KCNMA1: variants seen among roughly 807,000 people sequenced by gnomAD.
KCNMA1 encodes Calcium-activated potassium channel subunit alpha-1.
In KCNMA1, 29 loss-of-function variants were observed where a neutral mutation model predicts 140.0. The ratio of observed to expected loss-of-function variants is 0.21; its 90% CI spans 0.15 to 0.28. The LOEUF (loss-of-function observed/expected upper bound fraction) is 0.28. Among genes scored for constraint, KCNMA1 ranks in the 10% least tolerant of loss-of-function variants. KCNMA1 has a pLI of 1.00. For synonymous variants in KCNMA1, 612 were observed against 611.9 expected (o/e 1.00, Z 0.00); for missense variants, 880 against 1,602.2 (o/e 0.55, Z 7.70).
At chr10:77,035,620 G>A (rs2094272808) in intron 15 of KCNMA1, among the ~76,000 whole-genome samples, 1 of 152,194 alleles carries the variant, frequency 6.6e-6, no homozygotes, top group Non-Finnish European at 1.5e-5. Flanking sequence ...GCACAATGGT[G>A]CACATATCCC....
intron 2 of KCNMA1, chr10:77,350,873 C>T (rs2092791221): frequency 6.6e-6 from 1 of 152,168 alleles, no homozygotes; most frequent in Admixed American, 6.5e-5. Context: ...GGATTGCTCA[C>T]CGGTGACTCA....
chr10:76,904,513 T>C (rs1368025922), intron 25 of KCNMA1: 2 of 152,172 alleles, frequency 1.3e-5, no homozygotes, highest in African/African-American at 4.8e-5. Flanking sequence ...TGTTATAATA[T>C]GCTTTTTCTT....
intron 25 of KCNMA1, among the ~76,000 whole-genome samples, chr10:76,900,675 C>T (rs2152124091): frequency 6.6e-6 from 1 of 152,040 alleles, no homozygotes; most frequent in African/African-American, 2.4e-5. Context: ...ACTGAATTCA[C>T]TATATAAAAT....
intron 3 of KCNMA1, among the ~76,000 whole-genome samples, chr10:77,203,385 A>G (rs1442269087): frequency 6.6e-6 from 1 of 152,078 alleles, no homozygotes; most frequent in African/African-American, 2.4e-5. Flanking sequence ...GCTCTTACTC[A>G]TCCACCTTTG....
intron 3 of KCNMA1, among the ~76,000 whole-genome samples, chr10:77,193,702 G>C (rs989188351): frequency 2.0e-5 from 3 of 152,066 alleles, no homozygotes; most frequent in Non-Finnish European, 4.4e-5. Context: ...ACAAATATAT[G>C]CTCTCCATCC....
intron 1 of KCNMA1, among the ~76,000 whole-genome samples, chr10:77,462,383 G>T (rs190493399): frequency 2.0e-5 from 3 of 151,470 alleles, no homozygotes; most frequent in African/African-American, 7.3e-5. Flanking sequence ...ACACTTAGAC[G>T]TAAAAACACA....
chr10:77,408,528 CTG>C (rs888483983), intron 1 of KCNMA1, among the ~76,000 whole-genome samples: 15 of 151,902 alleles, frequency 9.9e-5, no homozygotes, highest in Non-Finnish European at 1.5e-4. Flanking sequence ...GTGTGTGCAT[CTG>C]TGTGTGTGCT....
intron 1 of KCNMA1, among the ~76,000 whole-genome samples, chr10:77,607,625 G>A (rs755113221): frequency 2.0e-5 from 3 of 152,134 alleles, no homozygotes; most frequent in Non-Finnish European, 4.4e-5. Flanking sequence ...GGAGCAATGT[G>A]CTTTGGATAC....
intron 1 of KCNMA1, among the ~76,000 whole-genome samples, chr10:77,450,667 G>A (rs569135066): frequency 1.3e-5 from 2 of 152,182 alleles, no homozygotes; most frequent in Admixed American, 6.5e-5. Flanking sequence ...AAGAGTTTGG[G>A]TTTCACCACC....
At chr10:77,282,749 C>T (rs1257084393) in intron 2 of KCNMA1, among the ~76,000 whole-genome samples, 1 of 114,678 alleles carries the variant, frequency 8.7e-6, no homozygotes, top group African/African-American at 2.8e-5. Flanking sequence ...GGTGGCTGGG[C>T]GGGTGGTGTG....
downstream of KCNMA1, among the ~76,000 whole-genome samples, chr10:76,881,087 C>T (rs370323940): frequency 5.9e-5 from 9 of 152,080 alleles, no homozygotes; most frequent in East Asian, 5.8e-4. Flanking sequence ...TGGAAAACAA[C>T]TGCAGAGAGA....
intron 2 of KCNMA1, among the ~76,000 whole-genome samples, chr10:77,353,050 T>C (rs188988430): frequency 2.0e-5 from 3 of 152,350 alleles, no homozygotes; most frequent in Non-Finnish European, 2.9e-5. Context: ...ATCCAGCCCC[T>C]TGTATTTTTC....
intron 15 of KCNMA1, among the ~76,000 whole-genome samples, chr10:77,030,126 T>C (rs1260951775): frequency 6.6e-6 from 1 of 152,156 alleles, no homozygotes; most frequent in African/African-American, 2.4e-5. Context: ...CAGCAGACAG[T>C]CAGATGTCAA....
chr10:77,128,552 C>T (rs1041270789), intron 5 of KCNMA1, among the ~76,000 whole-genome samples: 1 of 151,874 alleles, frequency 6.6e-6, no homozygotes, highest in Non-Finnish European at 1.5e-5. Flanking sequence ...ATTTAATGGG[C>T]GTGGGGTACA....
At chr10:76,883,241 T>TA (rs1010817100), downstream of KCNMA1, among the ~76,000 whole-genome samples, 6 of 152,038 alleles carry the variant, frequency 3.9e-5, no homozygotes, top group African/African-American at 9.7e-5. Context: ...CATATTTTTT[T>TA]AAAAAAATCA....
intron 1 of KCNMA1, among the ~76,000 whole-genome samples, chr10:77,499,422 TAC>T (rs1288964964): frequency 3.8e-5 from 4 of 105,572 alleles, no homozygotes; most frequent in South Asian, 3.1e-4. Context: ...TATATATATA[TAC>T]ACACACACAC....
intron 2 of KCNMA1, among the ~76,000 whole-genome samples, chr10:77,368,639 G>A (rs2094504060): frequency 6.6e-6 from 1 of 152,130 alleles, no homozygotes; most frequent in African/African-American, 2.4e-5. Flanking sequence ...TTTCTCCTAT[G>A]TGTTTTTATC....
At chr10:77,401,587 A>G (rs2096268548) in intron 2 of KCNMA1, among the ~76,000 whole-genome samples, 1 of 152,170 alleles carries the variant, frequency 6.6e-6, no homozygotes, top group Non-Finnish European at 1.5e-5. Flanking sequence ...CCTCACTTTG[A>G]AGGCTTTCTT....
chr10:77,023,474 T>C (rs900193206), intron 16 of KCNMA1, among the ~76,000 whole-genome samples: 2 of 152,212 alleles, frequency 1.3e-5, no homozygotes, highest in Non-Finnish European at 2.9e-5. Flanking sequence ...AGTAATTATA[T>C]TTGTGTCTAG....
Sources: gnomAD v4.1 joint callset for allele counts (sites outside exome capture counted in the v4.1 genomes callset) on GRCh38, gnomAD v4.1.1 for gene constraint, MANE v1.5 for transcripts, NCBI Gene and HGNC (gene_info 2026-07-23, HGNC 2026-07-21) for gene names.